TAMM41: variants seen among roughly 807,000 people sequenced by gnomAD.
The protein encoded by TAMM41 is phosphatidate cytidylyltransferase, mitochondrial.
Under a neutral mutation model 44.1 loss-of-function variants are expected in TAMM41, and 36 were observed. That is an observed-to-expected ratio of 0.82 (90% CI 0.63 to 1.08). TAMM41 has a LOEUF of 1.08. TAMM41 is among the 50% of genes least tolerant of loss of function. TAMM41 has a pLI of 0.00. For missense variants in TAMM41, 417 were observed against 404.3 expected (o/e 1.03, Z -0.27); for synonymous variants, 164 against 153.1 (o/e 1.07, Z -0.53).
chr3:11,838,157 C>T (rs1203889893), intron 3 of TAMM41, among the ~76,000 whole-genome samples: 3 of 152,204 alleles, frequency 2.0e-5, no homozygotes, highest in Non-Finnish European at 4.4e-5. Context: ...GGCTACTTCC[C>T]CTCTCCTCTG....
intron 5 of TAMM41, among the ~76,000 whole-genome samples, chr3:11,812,677 T>G (rs1278574629): frequency 6.6e-6 from 1 of 152,176 alleles, no homozygotes; most frequent in Non-Finnish European, 1.5e-5. Flanking sequence ...ATGCCGTAAG[T>G]CCAGCAGACA....
the TAMM41 span, among the ~76,000 whole-genome samples, chr3:11,752,153 G>A: frequency 6.6e-6 from 1 of 152,074 alleles, no homozygotes; most frequent in African/African-American, 2.4e-5. Flanking sequence ...GAGTGTTACA[G>A]CTCCTAAAGG....
chr3:11,796,068 C>A (rs1339623671), intron 7 of TAMM41, among the ~76,000 whole-genome samples: 2 of 152,156 alleles, frequency 1.3e-5, no homozygotes, highest in Non-Finnish European at 2.9e-5. Context: ...TCTCTAATCA[C>A]ATTTGAACAT....
At chr3:11,788,199 C>T (rs1271627655), downstream of TAMM41, among the ~76,000 whole-genome samples, 1 of 152,192 alleles carries the variant, frequency 6.6e-6, no homozygotes, top group African/African-American at 2.4e-5. Flanking sequence ...GGTAAAGTAT[C>T]TACTTTGGGA....
chr3:11,789,036 C>T (rs2077434233), downstream of TAMM41, among the ~76,000 whole-genome samples: 1 of 151,980 alleles, frequency 6.6e-6, no homozygotes, highest in African/African-American at 2.4e-5. Context: ...GCAGCAACAA[C>T]CATTTGCTCA....
the TAMM41 span, among the ~76,000 whole-genome samples, chr3:11,739,227 G>C: frequency 6.6e-6 from 1 of 152,132 alleles, no homozygotes; most frequent in African/African-American, 2.4e-5. Context: ...AGGCTGTACT[G>C]TCACCAGAGT....
At chr3:11,802,832 C>T (rs1035460319) in intron 7 of TAMM41, among the ~76,000 whole-genome samples, 1 of 152,180 alleles carries the variant, frequency 6.6e-6, no homozygotes, top group Non-Finnish European at 1.5e-5. Flanking sequence ...TCCAACAGCA[C>T]ATCAAAAAGA....
chr3:11,827,793 C>T (rs1345624590), intron 4 of TAMM41, among the ~76,000 whole-genome samples: 1 of 152,150 alleles, frequency 6.6e-6, no homozygotes, highest in Non-Finnish European at 1.5e-5. Flanking sequence ...TCAGGGCAGT[C>T]AAAGTAATCC....
chr3:11,726,467 C>T, the TAMM41 span, among the ~76,000 whole-genome samples: 3 of 152,142 alleles, frequency 2.0e-5, no homozygotes, highest in East Asian at 1.9e-4. Flanking sequence ...GACAAAGTGT[C>T]GAGATTGATT....
chr3:11,764,696 G>A, the TAMM41 span, among the ~76,000 whole-genome samples: 1 of 151,552 alleles, frequency 6.6e-6, no homozygotes, highest in Non-Finnish European at 1.5e-5. Context: ...GTTTCACCGT[G>A]TTAGCCAGGA....
the TAMM41 span, among the ~76,000 whole-genome samples, chr3:11,747,306 C>T: frequency 1.3e-5 from 2 of 152,264 alleles, no homozygotes; most frequent in East Asian, 3.9e-4. Context: ...AGATGGTCCA[C>T]CCACCTTGGC....
chr3:11,806,439 A>T (rs2077911728), intron 7 of TAMM41, among the ~76,000 whole-genome samples: 1 of 152,316 alleles, frequency 6.6e-6, no homozygotes, highest in Non-Finnish European at 1.5e-5. Flanking sequence ...GATGCAAAAA[A>T]CAGGAGCATT....
At chr3:11,782,940 AG>A in the TAMM41 span, among the ~76,000 whole-genome samples, 1 of 152,338 alleles carries the variant, frequency 6.6e-6, no homozygotes, top group African/African-American at 2.4e-5. Flanking sequence ...GACAGGGCTC[AG>A]GTAGGACTCG....
chr3:11,731,877 AT>A, the TAMM41 span, among the ~76,000 whole-genome samples: 44,759 of 141,644 alleles, frequency 0.32, 6,876 homozygotes, highest in Middle Eastern at 0.37. Flanking sequence ...TAATTAGGGC[AT>A]TTTTTTTTTT....
chr3:11,770,399 C>CGAA, the TAMM41 span, among the ~76,000 whole-genome samples: 10 of 152,212 alleles, frequency 6.6e-5, no homozygotes, highest in Non-Finnish European at 1.3e-4. Flanking sequence ...AAGCCCCTTC[C>CGAA]CCTTGCTGGG....
At chr3:11,829,886 G>A in intron 3 of TAMM41, 22 bp from the exon 4 acceptor site, 4 of 1,612,040 alleles carry the variant, frequency 2.5e-6, no homozygotes, top group Non-Finnish European at 3.4e-6. Context: ...AGAACATTGG[G>A]AAGAAAAATT....
chr3:11,757,830 GC>G, the TAMM41 span, among the ~76,000 whole-genome samples: 1 of 152,308 alleles, frequency 6.6e-6, no homozygotes, highest in South Asian at 2.1e-4. Context: ...GGCGCTGAGA[GC>G]CTCTTTCTAA....
At chr3:11,779,672 G>A in the TAMM41 span, among the ~76,000 whole-genome samples, 10 of 152,036 alleles carry the variant, frequency 6.6e-5, no homozygotes, top group African/African-American at 2.4e-4. Context: ...CAGACTTCCT[G>A]AGAGATCCTC....
the TAMM41 span, among the ~76,000 whole-genome samples, chr3:11,727,236 A>G: frequency 6.6e-6 from 1 of 152,186 alleles, no homozygotes; most frequent in Non-Finnish European, 1.5e-5. Context: ...TAAGAATGCA[A>G]CTAGAATTAA....
Sources: allele counts gnomAD v4.1 joint callset (sites outside exome capture counted in the v4.1 genomes callset), GRCh38; gene constraint gnomAD v4.1.1; transcripts MANE v1.5; gene names NCBI Gene and HGNC (gene_info 2026-07-23, HGNC 2026-07-21).